SLC6A4: variants seen among roughly 807,000 people sequenced by gnomAD.
SLC6A4 encodes sodium-dependent serotonin transporter.
Under a neutral mutation model 73.4 loss-of-function variants are expected in SLC6A4, and 22 were observed. That is an observed-to-expected ratio of 0.30 (90% CI 0.21 to 0.43). The LOEUF is 0.43. SLC6A4 is among the 20% of genes least tolerant of loss of function. SLC6A4 has a pLI of 1.00. For synonymous variants in SLC6A4, 270 were observed against 315.5 expected (o/e 0.86, Z 1.53); for missense variants, 593 against 808.5 (o/e 0.73, Z 3.23).
rs537858307 is a variant in SLC6A4, at chr17:30,214,877, C to A, written c.1076+734G>T. ...ATCGATCTCCTGACCTCGTGATCCA[C>A]CCGCCTCGGCCTCCCAAAGTGTTGA... On this transcript the variant is annotated intron_variant, in intron 8 of 14. Transcript: ENST00000650711. 9.2e-5 allele frequency among the ~76,000 whole-genome samples: 14 copies of A among 152,098 alleles called. No individual in the cohort carries two copies. The South Asian group carries it at 2.9e-3, about 32-fold the overall frequency.
intron 2 of SLC6A4, among the ~76,000 whole-genome samples, chr17:30,222,413 C>T (rs1238651154): frequency 6.6e-6 from 1 of 152,170 alleles, no homozygotes; most frequent in East Asian, 1.9e-4. Context: ...TGTGGTTTGC[C>T]AGCAGCTCAG....
chr17:30,225,892 A>G (rs2143015995), intron 1 of SLC6A4, among the ~76,000 whole-genome samples: 1 of 152,320 alleles, frequency 6.6e-6, no homozygotes, highest in Non-Finnish European at 1.5e-5. Context: ...GACTGTTTCT[A>G]TTTAAACTTC....
chr17:30,203,386 C>T (rs939314804), intron 13 of SLC6A4, 47 bp from the exon 14 acceptor site: 1 of 1,513,880 alleles, frequency 6.6e-7, no homozygotes, highest in Non-Finnish European at 9.1e-7. Context: ...ACAATATCCA[C>T]TCAGATAGAG....
rs552846851 is a variant in SLC6A4 at position 30,218,782 on chromosome 17, G to A, written c.478+15C>T. The A allele has an allele frequency of 4.6e-5, 75 of 1,613,470 alleles. No individual in the cohort carries two copies. The East Asian group carries it at 5.3e-4, about 12-fold the overall frequency. ...AGAGGCTCCACTTACCCACCCCACC[G>A]AGCCCTTCAGTTACCTTTGAAAATC... On this transcript the variant is annotated intron_variant, in intron 4 of 14. Transcript: ENST00000650711.
Position 30,221,946 on chromosome 17 carries a change from G to T in SLC6A4, c.13C>A (p.Pro5Thr). Residue 5 changes from proline to threonine, a missense_variant, in exon 3 of 15, where the codon CCC (proline) becomes ACC (threonine). By Grantham distance (38) the Pro-to-Thr change is conservative. Transcript: ENST00000650711. METT[P>T]LNSQKQLSAC... ...GATAGCTGCTTCTGAGAATTCAAGG[G>T]CGTCGTCTCCATCCTGCTGGTTAGT... 1 of 1,614,050 alleles carries T rather than the reference G, an allele frequency of 6.2e-7. No individual in the cohort carries two copies. Among genetic ancestry groups the T allele is most frequent in the East Asian group, 2.2e-5 (1 of 44,880 alleles).
intron 5 of SLC6A4, 40 bp downstream of exon 5, chr17:30,218,078 C>T: frequency 6.5e-7 from 1 of 1,549,256 alleles, no homozygotes; most frequent in Non-Finnish European, 8.9e-7. Flanking sequence ...GGGGTGTGGC[C>T]TGCCCCTAAC....
At chr17:30,230,571 T>A (rs1907082602) in intron 1 of SLC6A4, among the ~76,000 whole-genome samples, 1 of 152,080 alleles carries the variant, frequency 6.6e-6, no homozygotes, top group African/African-American at 2.4e-5. Context: ...GAGAGGGTGC[T>A]ATGAAATAAG....
chr17:30,215,726 C>T lies in SLC6A4; in HGVS notation c.973-12G>A, dbSNP rs1906550951. On this transcript the variant is annotated splice_polypyrimidine_tract_variant and intron_variant, in intron 7 of 14. Transcript: ENST00000650711. ...GCATCTATCCACACCTGGAACACAG[C>T]AGGGGTAAGGGCATGGGGTGAGGGG... 1.9e-6 allele frequency: 3 copies of T among 1,610,862 alleles called. No individual in the cohort carries two copies. Among genetic ancestry groups the T allele is most frequent in the Non-Finnish European group, 2.5e-6 (3 of 1,177,336 alleles).
chr17:30,222,976 GCCTC>G, intron 1 of SLC6A4, 61 bp from the exon 2 acceptor site: 4 of 524,196 alleles, frequency 7.6e-6, no homozygotes, highest in Non-Finnish European at 1.4e-5. Context: ...GTCCCCCTGT[GCCTC>G]CACTGGGAGG....
Position 30,215,731 on chromosome 17 carries a change from G to GT in SLC6A4, c.973-18dup. The GT allele has an allele frequency of 6.2e-7, 1 of 1,606,678 alleles. No individual in the cohort carries two copies. Among genetic ancestry groups the GT allele is most frequent in the South Asian group, 1.1e-5 (1 of 90,908 alleles). On this transcript the variant is annotated splice_polypyrimidine_tract_variant and intron_variant, in intron 7 of 14. Transcript: ENST00000650711. Reference sequence around the variant, plus strand: ...TATCCACACCTGGAACACAGCAGGGGTAAGGGCATGGGGTGAGGGGGAGAC... The same window carrying GT: ...TATCCACACCTGGAACACAGCAGGGGTTAAGGGCATGGGGTGAGGGGGAGAC...
At chr17:30,229,746 C>T (rs538299988) in intron 1 of SLC6A4, among the ~76,000 whole-genome samples, 92 of 151,816 alleles carry the variant, frequency 6.1e-4, no homozygotes, top group African/African-American at 2.1e-3. Flanking sequence ...ATGGGCTGGG[C>T]GCAGTGTCAC....
intron 14 of SLC6A4, among the ~76,000 whole-genome samples, chr17:30,200,866 C>CT (rs1906009774): frequency 6.6e-6 from 1 of 152,168 alleles, no homozygotes; most frequent in Non-Finnish European, 1.5e-5. Flanking sequence ...ACTGCAATCT[C>CT]TGCCTCCCAG....
chr17:30,229,202 A>T (rs535614227), intron 1 of SLC6A4, among the ~76,000 whole-genome samples: 1 of 152,316 alleles, frequency 6.6e-6, no homozygotes, highest in South Asian at 2.1e-4. Flanking sequence ...AGAGCCCGGG[A>T]TGGGCTTTCA....
At chr17:30,221,045 C>T (rs926907482) in intron 3 of SLC6A4, among the ~76,000 whole-genome samples, 4 of 146,500 alleles carry the variant, frequency 2.7e-5, no homozygotes, top group Non-Finnish European at 5.9e-5. Flanking sequence ...GGTGCCATCT[C>T]GGCTCACTGC....
chr17:30,212,082 C>T (rs534500494), intron 9 of SLC6A4, among the ~76,000 whole-genome samples: 3 of 152,158 alleles, frequency 2.0e-5, no homozygotes, highest in Non-Finnish European at 4.4e-5. Context: ...GTTTTTTCTC[C>T]CTCTGTTGCT....
intron 8 of SLC6A4, 38 bp from the exon 9 acceptor site, chr17:30,212,905 C>T (rs1202794963): frequency 6.2e-7 from 1 of 1,611,216 alleles, no homozygotes; most frequent in Non-Finnish European, 8.5e-7. Flanking sequence ...TGAGACAGTT[C>T]CAAGATCAGG....
chr17:30,196,686 G>A lies in SLC6A4; in HGVS notation c.*1770C>T, dbSNP rs990173932. 2.0e-5 allele frequency: 3 copies of A among 152,346 alleles called. No homozygotes were observed. Among genetic ancestry groups the A allele is most frequent in the Non-Finnish European group, 2.9e-5 (2 of 68,036 alleles). 9.4% of individuals were successfully genotyped at this position (152,346 alleles called of 1,614,324 possible). A position where few individuals can be genotyped will look rare whatever the true frequency, so the allele number is the denominator to read the frequency against. ...CAGCATGCTAGACAGTAAAGAGAAT[G>A]GGCATGAGGTGGCAGGAAGAAGGAA... On this transcript the variant is annotated 3_prime_UTR_variant, in exon 15 of 15. Coordinates refer to ENST00000650711, the MANE Select transcript of SLC6A4 (RefSeq NM_001045.6).
intron 1 of SLC6A4, among the ~76,000 whole-genome samples, chr17:30,233,267 G>A (rs1428926771): frequency 2.0e-5 from 3 of 152,278 alleles, no homozygotes; most frequent in Admixed American, 6.5e-5. Context: ...CAGGAAAATC[G>A]GTGCAGCCCA....
At chr17:30,218,687 G>A in intron 4 of SLC6A4, 110 bp downstream of exon 4, 2 of 1,120,530 alleles carry the variant, frequency 1.8e-6, no homozygotes, top group Non-Finnish European at 1.3e-6. Flanking sequence ...GTCTCCCAGG[G>A]ATGCCTAAGG....
Sources: gnomAD v4.1 joint callset for allele counts (sites outside exome capture counted in the v4.1 genomes callset) on GRCh38, gnomAD v4.1.1 for gene constraint, MANE v1.5 for transcripts, NCBI Gene and HGNC (gene_info 2026-07-23, HGNC 2026-07-21) for gene names.